Variants in ATXN7L1 observed in about 807,000 individuals in gnomAD.
ATXN7L1 encodes the protein ataxin 7 like 1.
In ATXN7L1, 15 loss-of-function variants were observed where a neutral mutation model predicts 70.8. That is an observed-to-expected ratio of 0.21 (90% confidence interval 0.14 to 0.33). The LOEUF (loss-of-function observed/expected upper bound fraction) is 0.33. Among genes scored for constraint, ATXN7L1 ranks in the 10% least tolerant of loss-of-function variants. The pLI is 1.00. For missense variants in ATXN7L1, 975 were observed against 1,097.1 expected, an observed-to-expected ratio of 0.89 and a Z score of 1.57; for synonymous variants, 440 against 445.1, an observed-to-expected ratio of 0.99 and a Z score of 0.14.
rs375566978 is a variant in ATXN7L1 at position 105,678,146 on chromosome 7, C to T, written c.356-12858G>A. 4.9e-5 allele frequency: 19 copies of T among 391,242 alleles called. No homozygotes were observed. In the East Asian group the frequency reaches 1.5e-3, roughly 30 times the overall value. 24.2% of individuals were successfully genotyped at this position (391,242 alleles called of 1,614,324 possible). ...CCCTTTTCTCTCCCTTCTTTAGAAG[C>T]AAAAGGTCTGAGTTATTTTGGTGAA... On this transcript the variant is annotated intron_variant, in intron 3 of 11. Coordinates refer to ENST00000419735, the MANE Select transcript of ATXN7L1 (RefSeq NM_020725.2).
chr7:105,726,725 G>T (rs1243159354), intron 3 of ATXN7L1, among the ~76,000 whole-genome samples: 2 of 152,148 alleles, frequency 1.3e-5, no homozygotes, highest in Non-Finnish European at 2.9e-5. Context: ...CTACTCATCA[G>T]GAGCACATGA....
At chr7:105,718,562 A>G (rs1794830100) in intron 3 of ATXN7L1, among the ~76,000 whole-genome samples, 1 of 152,192 alleles carries the variant, frequency 6.6e-6, no homozygotes, top group African/African-American at 2.4e-5. Context: ...GACACAGATA[A>G]CCCTGAAACC....
At chr7:105,694,050 C>CTTTTTTTTTTTTTTTT (rs34797129) in intron 3 of ATXN7L1, among the ~76,000 whole-genome samples, 3 of 139,386 alleles carry the variant, frequency 2.2e-5, no homozygotes, top group African/African-American at 8.0e-5. Context: ...AGAAGTGAGC[C>CTTTTTTTTTTTTTTTT]TTTTTTTTTT....
At chr7:105,791,218 A>G (rs1035299522) in intron 2 of ATXN7L1, among the ~76,000 whole-genome samples, 7 of 152,242 alleles carry the variant, frequency 4.6e-5, no homozygotes, top group African/African-American at 9.6e-5. Context: ...CAGGTGCCCG[A>G]GGTGGCTGCT....
intron 3 of ATXN7L1, among the ~76,000 whole-genome samples, chr7:105,768,577 T>A (rs564088992): frequency 5.9e-5 from 9 of 152,364 alleles, no homozygotes; most frequent in South Asian, 2.1e-4. Flanking sequence ...TTTACATGCA[T>A]GAAACATGTA....
intron 3 of ATXN7L1, among the ~76,000 whole-genome samples, chr7:105,735,349 A>G (rs1455559877): frequency 6.6e-6 from 1 of 152,172 alleles, no homozygotes; most frequent in Non-Finnish European, 1.5e-5. Flanking sequence ...AGGACCTTCC[A>G]TCAAGTTATG....
At chr7:105,693,473 G>C (rs1461653159) in intron 3 of ATXN7L1, among the ~76,000 whole-genome samples, 1 of 152,184 alleles carries the variant, frequency 6.6e-6, no homozygotes, top group African/African-American at 2.4e-5. Flanking sequence ...TTACAGGCTT[G>C]AGCTACTGTG....
intron 7 of ATXN7L1, among the ~76,000 whole-genome samples, chr7:105,631,442 T>A (rs1796583265): frequency 6.6e-6 from 1 of 152,206 alleles, no homozygotes; most frequent in Admixed American, 6.5e-5. Flanking sequence ...TGATGAGTTA[T>A]CACCATTTCT....
At position 105,742,710 on chromosome 7, in the gene ATXN7L1, T is replaced by C. The variant is rs578113426; in HGVS notation, c.355+45894A>G. On this transcript the variant is annotated intron_variant, in intron 3 of 11. Transcript: ENST00000419735. ...AAACACTGACATTATTAATCCATTT[T>C]ACACGCACAACCATTTAGCTAAGCT... Among the ~76,000 whole-genome samples, 3 of 152,378 alleles carry C rather than the reference T, an allele frequency of 2.0e-5. No homozygotes were observed. In the South Asian group the frequency reaches 6.2e-4, roughly 32 times the overall value.
intron 2 of ATXN7L1, among the ~76,000 whole-genome samples, chr7:105,859,723 C>G (rs1816274515): frequency 6.6e-6 from 1 of 151,868 alleles, no homozygotes; most frequent in African/African-American, 2.4e-5. Flanking sequence ...TGACATAACT[C>G]TCAGAACATA....
intron 4 of ATXN7L1, among the ~76,000 whole-genome samples, chr7:105,663,586 A>G (rs1361982468): frequency 6.6e-6 from 1 of 152,334 alleles, no homozygotes; most frequent in East Asian, 1.9e-4. Context: ...TTGAAAGATA[A>G]GCATAGAGGT....
rs1793457233 is a variant in ATXN7L1 at position 105,613,985 on chromosome 7, C to T, written c.2349G>A (p.Ser783=). 14 of 1,552,222 alleles carry T rather than the reference C, an allele frequency of 9.0e-6. No homozygotes were observed. Among genetic ancestry groups the T allele is most frequent in the Middle Eastern group, 1.7e-4 (1 of 5,994 alleles). The part of the protein sequence containing the change: ...DKSEGKKRKN[S]SSSSKACKIT... Reference sequence around the variant, plus strand: ...TTTTACAGGCTTTGCTACTAGAACTCGAGTTCTTACGCTTTTTTCCTTCTG... The same window carrying T: ...TTTTACAGGCTTTGCTACTAGAACTTGAGTTCTTACGCTTTTTTCCTTCTG... The change falls in exon 10 of 12, where the codon TCG becomes TCA. Residue 783 remains serine (S), a synonymous_variant. Transcript: ENST00000419735.
intron 3 of ATXN7L1, among the ~76,000 whole-genome samples, chr7:105,710,111 A>G (rs1055705154): frequency 5.9e-5 from 9 of 152,120 alleles, no homozygotes; most frequent in East Asian, 5.8e-4. Context: ...TGGCCTCCCA[A>G]TGTGTTGGGA....
At chr7:105,876,253 A>AG (rs1335869932) in intron 1 of ATXN7L1, 125 bp downstream of exon 1, 41 of 1,215,106 alleles carry the variant, frequency 3.4e-5, no homozygotes, top group Admixed American at 5.7e-5. Flanking sequence ...TTAGAGAGAG[A>AG]GGGAGAAGCA....
At chr7:105,627,841 G>GTTTTTTTTT (rs36028028) in intron 7 of ATXN7L1, among the ~76,000 whole-genome samples, 1 of 86,452 alleles carries the variant, frequency 1.2e-5, no homozygotes, top group Non-Finnish European at 2.0e-5. Context: ...CCTGTCTTTA[G>GTTTTTTTTT]TTTTTTTTTT....
chr7:105,662,177 A>T (rs1011187354), intron 4 of ATXN7L1, among the ~76,000 whole-genome samples: 2 of 147,424 alleles, frequency 1.4e-5, no homozygotes, highest in African/African-American at 5.1e-5. Context: ...ATCTTGGCTC[A>T]CTGCAACCTC....
At chr7:105,849,667 C>T (rs1202033939) in intron 2 of ATXN7L1, among the ~76,000 whole-genome samples, 2 of 152,222 alleles carry the variant, frequency 1.3e-5, no homozygotes, top group Non-Finnish European at 2.9e-5. Flanking sequence ...GAAGTGAACA[C>T]AAATGATTCA....
At chr7:105,656,413 G>A (rs767576924) in intron 4 of ATXN7L1, among the ~76,000 whole-genome samples, 3 of 152,200 alleles carry the variant, frequency 2.0e-5, no homozygotes, top group Non-Finnish European at 4.4e-5. Context: ...GGCTCCCACA[G>A]GGGTGGTCCC....
Position 105,614,488 on chromosome 7 carries a change from G to A in ATXN7L1, c.1846C>T (p.His616Tyr). ...CTGGTTTTGGTTTTGGATGGCTTGT[G>A]GGATGGGGAAGGGATGACGGCTGGT... ...PIPAVIPSPS[H>Y]KPSKTKTSKS... Residue 616 changes from histidine to tyrosine, a missense_variant, in exon 10 of 12, where the codon CAC becomes TAC. By Grantham distance (83) the His-to-Tyr change is moderately conservative (BLOSUM62 2). Transcript: ENST00000419735. This position sits in a 1 kb window ranked among gnomAD's most constrained non-coding sequence, Gnocchi z 4.3. 6.5e-7 allele frequency: 1 copy of A among 1,535,006 alleles called. No homozygotes were observed. The highest frequency in any genetic ancestry group is 1.4e-5 in the African/African-American group (1 of 72,658).
Sources: allele counts gnomAD v4.1 joint callset (sites outside exome capture counted in the v4.1 genomes callset), GRCh38; gene constraint gnomAD v4.1.1; non-coding constraint Gnocchi (gnomAD v3.1); transcripts MANE v1.5; gene names NCBI Gene and HGNC (gene_info 2026-07-23, HGNC 2026-07-21).